Variants in PARD3B observed in about 807,000 individuals in gnomAD.
PARD3B encodes the protein par-3 family cell polarity regulator beta, also known as partitioning defective 3 homolog B.
In PARD3B, 103 loss-of-function variants were observed where a neutral mutation model predicts 130.2. The observed-to-expected ratio is 0.79, with a 90% confidence interval of 0.67 to 0.93. The LOEUF is 0.93. PARD3B is among the 40% of genes least tolerant of loss of function. PARD3B has a pLI of 0.00. For synonymous variants in PARD3B, 583 were observed against 553.2 expected, an observed-to-expected ratio of 1.05 and a Z score of -0.76; for missense variants, 1,609 against 1,499.2, an observed-to-expected ratio of 1.07 and a Z score of -1.21.
At chr2:205,096,358 C>T (rs1388264397) in intron 4 of PARD3B, among the ~76,000 whole-genome samples, 3 of 152,028 alleles carry the variant, frequency 2.0e-5, no homozygotes, top group African/African-American at 7.2e-5. Flanking sequence ...TGTGTTAGAC[C>T]AGAATTCAGT....
rs199551679 is a variant in PARD3B, at chr2:205,193,330, G to A, written c.2140+10G>A. On this transcript the variant is annotated intron_variant, in intron 15 of 22. Coordinates refer to ENST00000406610, the MANE Select transcript of PARD3B (RefSeq NM_001302769.2). ...AAGAGCATGGACCTTGGTAAGCAAG[G>A]GTGAGGTGACATCCAGGTCAGCTCT... The A allele has an allele frequency of 2.9e-4, 453 of 1,572,430 alleles. 3 individuals are homozygous for A. In the South Asian group the frequency reaches 3.6e-3, roughly 13 times the overall value.
intron 4 of PARD3B, among the ~76,000 whole-genome samples, chr2:205,050,629 T>C (rs1699125111): frequency 6.6e-6 from 1 of 151,922 alleles, no homozygotes; most frequent in Non-Finnish European, 1.5e-5. Context: ...ATAATTGTTA[T>C]ACTGACTATA....
intron 3 of PARD3B, among the ~76,000 whole-genome samples, chr2:204,988,027 A>G (rs1385165375): frequency 6.6e-6 from 1 of 151,504 alleles, no homozygotes; most frequent in Non-Finnish European, 1.5e-5. Flanking sequence ...GAGAGAGAGA[A>G]ACACCTAGAG....
chr2:204,773,818 A>T (rs2041496980), intron 2 of PARD3B, among the ~76,000 whole-genome samples: 1 of 151,906 alleles, frequency 6.6e-6, no homozygotes, highest in South Asian at 2.1e-4. Context: ...CCCCGCTCTC[A>T]TCCCAGTTAG....
At chr2:205,453,145 T>A (rs2048161924) in intron 20 of PARD3B, among the ~76,000 whole-genome samples, 1 of 152,154 alleles carries the variant, frequency 6.6e-6, no homozygotes, top group South Asian at 2.1e-4. Flanking sequence ...CAATCTGGAA[T>A]AATAACAGTG....
intron 4 of PARD3B, among the ~76,000 whole-genome samples, chr2:205,075,769 C>T (rs1701016326): frequency 6.6e-6 from 1 of 150,880 alleles, no homozygotes; most frequent in South Asian, 2.1e-4. Context: ...ATAACATTTT[C>T]CTTGATCTCT....
chr2:204,786,636 C>T (rs1206730451), intron 2 of PARD3B, among the ~76,000 whole-genome samples: 1 of 151,672 alleles, frequency 6.6e-6, no homozygotes, highest in African/African-American at 2.4e-5. Flanking sequence ...TTCCCCTTGT[C>T]AGTGTTCCTC....
At position 204,876,235 on chromosome 2, in the gene PARD3B, A is replaced by G. The variant is rs1319912475; in HGVS notation, c.223-88917A>G. Among the ~76,000 whole-genome samples the G allele has an allele frequency of 2.0e-5, 3 of 152,222 alleles. No homozygotes were observed. In the East Asian group the frequency reaches 5.8e-4, roughly 29 times the overall value. On this transcript the variant is annotated intron_variant, in intron 2 of 22. Coordinates refer to ENST00000406610, the MANE Select transcript of PARD3B (RefSeq NM_001302769.2). The stretch of plus-strand genomic sequence containing the variant: ...TTTGGATTTAATCTTTGCCTCATAA[A>G]ATGCAATAATCCAAAAGCTCATTTC...
At chr2:205,077,543 T>A (rs1277029017) in intron 4 of PARD3B, among the ~76,000 whole-genome samples, 1 of 152,224 alleles carries the variant, frequency 6.6e-6, no homozygotes, top group Non-Finnish European at 1.5e-5. Flanking sequence ...TCATGCATTC[T>A]GTAGTTCTGA....
intron 2 of PARD3B, among the ~76,000 whole-genome samples, chr2:204,716,662 G>T (rs1420627260): frequency 2.1e-5 from 3 of 139,664 alleles, no homozygotes; most frequent in Non-Finnish European, 4.6e-5. Flanking sequence ...TTGCTCTGTC[G>T]CCCAGGCTGG....
intron 2 of PARD3B, among the ~76,000 whole-genome samples, chr2:204,793,564 A>G (rs1156971170): frequency 6.6e-6 from 1 of 151,862 alleles, no homozygotes; most frequent in Non-Finnish European, 1.5e-5. Context: ...CTGGAGTGCA[A>G]TGGCGTGACC....
intron 1 of PARD3B, among the ~76,000 whole-genome samples, chr2:204,663,108 C>G (rs768901715): frequency 6.6e-6 from 1 of 152,190 alleles, no homozygotes; most frequent in African/African-American, 2.4e-5. Context: ...TATCCCAGTT[C>G]GCCATGACGA....
intron 2 of PARD3B, among the ~76,000 whole-genome samples, chr2:204,703,734 T>C (rs140236599): frequency 0.012 from 1,825 of 152,268 alleles, 34 homozygotes; most frequent in African/African-American, 0.042. Context: ...ATTTACTAAA[T>C]GACCCTTGGA....
At chr2:205,191,545 T>A (rs2036399118) in intron 14 of PARD3B, among the ~76,000 whole-genome samples, 1 of 152,198 alleles carries the variant, frequency 6.6e-6, no homozygotes, top group African/African-American at 2.4e-5. Context: ...AAATTTATAG[T>A]GTTTTGGGAA....
At chr2:204,637,198 C>T (rs772838973) in intron 1 of PARD3B, among the ~76,000 whole-genome samples, 3 of 151,894 alleles carry the variant, frequency 2.0e-5, no homozygotes, top group Non-Finnish European at 4.4e-5. Flanking sequence ...TTTTGCATGT[C>T]CTTTCATAGG....
chr2:205,235,929 C>T (rs59158949), intron 15 of PARD3B, among the ~76,000 whole-genome samples: 27,854 of 152,048 alleles, frequency 0.18, 2,730 homozygotes, highest in East Asian at 0.27. Context: ...AACCAAATGC[C>T]AGTTTTCTTA....
chr2:204,745,057 G>A (rs2040158853), intron 2 of PARD3B, among the ~76,000 whole-genome samples: 1 of 152,164 alleles, frequency 6.6e-6, no homozygotes, highest in Non-Finnish European at 1.5e-5. Flanking sequence ...AGACACAGTT[G>A]TTGAAGAAGA....
At chr2:204,946,771 A>G (rs1689361459) in intron 2 of PARD3B, among the ~76,000 whole-genome samples, 1 of 152,188 alleles carries the variant, frequency 6.6e-6, no homozygotes, top group Non-Finnish European at 1.5e-5. Flanking sequence ...AAGAGCTGAC[A>G]TATGATTCCA....
chr2:204,965,107 A>T, intron 2 of PARD3B, 45 bp from the exon 3 acceptor site: 2 of 1,588,854 alleles, frequency 1.3e-6, no homozygotes, highest in South Asian at 2.2e-5. Context: ...TCCGTGTGGT[A>T]TGCATGTCCT....
Sources: allele counts gnomAD v4.1 joint callset (sites outside exome capture counted in the v4.1 genomes callset), GRCh38; gene constraint gnomAD v4.1.1; transcripts MANE v1.5; gene names NCBI Gene and HGNC (gene_info 2026-07-23, HGNC 2026-07-21).